Variants in NPIPA5 observed in about 807,000 individuals in gnomAD.
The protein encoded by NPIPA5 is nuclear pore complex-interacting protein family member A5.
In NPIPA5, 6 loss-of-function variants were observed where a neutral mutation model predicts 21.4. That is an observed-to-expected ratio of 0.28 (90% CI 0.15 to 0.55). The LOEUF is 0.55. Among genes scored for constraint, NPIPA5 ranks in the 20% least tolerant of loss-of-function variants. The pLI is 0.93. For synonymous variants in NPIPA5, 33 were observed against 115.3 expected (o/e 0.29, Z 4.57); for missense variants, 99 against 318.2 (o/e 0.31, Z 5.24).
intron 2 of NPIPA5, among the ~76,000 whole-genome samples, chr16:15,371,344 A>G (rs1321777183): frequency 2.1e-5 from 3 of 144,506 alleles, no homozygotes; most frequent in Non-Finnish European, 3.0e-5. Flanking sequence ...TTAATGCAAA[A>G]CATTCTCACT....
chr16:15,368,039 C>A (rs2150851574), intron 4 of NPIPA5, among the ~76,000 whole-genome samples: 1 of 80,904 alleles, frequency 1.2e-5, no homozygotes, highest in South Asian at 5.1e-4. Context: ...AGTAAACAGA[C>A]ATGAGGTGAA....
intron 1 of NPIPA5, among the ~76,000 whole-genome samples, chr16:15,374,312 C>T (rs1356296190): frequency 6.6e-6 from 1 of 151,210 alleles, no homozygotes; most frequent in African/African-American, 2.4e-5. Context: ...CATTCTCCTG[C>T]CTCAGCCTCC....
At chr16:15,368,451 T>G (rs189014626) in intron 4 of NPIPA5, among the ~76,000 whole-genome samples, 1 of 152,142 alleles carries the variant, frequency 6.6e-6, no homozygotes, top group African/African-American at 2.4e-5. Flanking sequence ...TAAATATTTT[T>G]TAAAAAGTAT....
intron 2 of NPIPA5, among the ~76,000 whole-genome samples, chr16:15,373,027 G>A (rs1444945717): frequency 3.6e-5 from 4 of 109,872 alleles, no homozygotes; most frequent in Non-Finnish European, 5.5e-5. Context: ...GGCTTTCTCT[G>A]CATCATGAGA....
chr16:15,380,661 G>A (rs28629821), upstream of NPIPA5, among the ~76,000 whole-genome samples: 11 of 151,406 alleles, frequency 7.3e-5, no homozygotes, highest in East Asian at 1.9e-4. Context: ...TTTAAGTGTC[G>A]TTGGGCACTT....
At chr16:15,375,162 C>T (rs988090118) in intron 1 of NPIPA5, among the ~76,000 whole-genome samples, 1 of 150,732 alleles carries the variant, frequency 6.6e-6, no homozygotes, top group Non-Finnish European at 1.5e-5. Flanking sequence ...AACTCCTGAC[C>T]TCATGATCCA....
chr16:15,375,828 T>G (rs1372676454), intron 1 of NPIPA5, among the ~76,000 whole-genome samples: 3 of 151,804 alleles, frequency 2.0e-5, no homozygotes, highest in African/African-American at 4.8e-5. Flanking sequence ...TTGATATTAA[T>G]TCCATTAGAC....
upstream of NPIPA5, among the ~76,000 whole-genome samples, chr16:15,379,644 G>C (rs1290330356): frequency 6.6e-6 from 1 of 151,264 alleles, no homozygotes; most frequent in Non-Finnish European, 1.5e-5. Context: ...ATATGCTGCA[G>C]CCATGTTCCA....
rs1424083277 is a variant in NPIPA5, at chr16:15,370,305, T to C, written c.193-186A>G. 1.4e-5 allele frequency among the ~76,000 whole-genome samples: 2 copies of C among 145,080 alleles called. 1 individual carries two copies. The highest frequency in any genetic ancestry group is 1.5e-4 in the Admixed American group (2 of 13,478). Reference sequence around the variant, plus strand: ...AGCCGGGCATGGCAGTGGGCGCCTGTAATCCAAGCTACTCGGGAGGCTGAG... The same window carrying C: ...AGCCGGGCATGGCAGTGGGCGCCTGCAATCCAAGCTACTCGGGAGGCTGAG... On this transcript the variant is annotated intron_variant, in intron 2 of 7. Coordinates refer to ENST00000360151, the MANE Select transcript of NPIPA5 (RefSeq NM_001277325.2).
chr16:15,380,003 G>T (rs558770924), upstream of NPIPA5, among the ~76,000 whole-genome samples: 1 of 151,566 alleles, frequency 6.6e-6, no homozygotes, highest in Non-Finnish European at 1.5e-5. Flanking sequence ...GTGTGTGTGT[G>T]TGTGTGTGTA....
chr16:15,372,212 G>A (rs933045167), intron 2 of NPIPA5, among the ~76,000 whole-genome samples: 3 of 147,458 alleles, frequency 2.0e-5, no homozygotes, highest in South Asian at 2.2e-4. Context: ...CCTGGCTCAC[G>A]TGGTGGCTCA....
upstream of NPIPA5, among the ~76,000 whole-genome samples, chr16:15,379,758 A>G (rs533285066): frequency 5.4e-4 from 82 of 152,170 alleles, no homozygotes; most frequent in Non-Finnish European, 9.0e-4. Flanking sequence ...GAGCCTGGCC[A>G]ATATGGTGAA....
chr16:15,379,759 A>G (rs2050391907), upstream of NPIPA5, among the ~76,000 whole-genome samples: 1 of 152,044 alleles, frequency 6.6e-6, no homozygotes, highest in African/African-American at 2.4e-5. Context: ...AGCCTGGCCA[A>G]TATGGTGAAA....
chr16:15,369,450 G>GAAA (rs879091675), intron 4 of NPIPA5, among the ~76,000 whole-genome samples: 1 of 132,920 alleles, frequency 7.5e-6, no homozygotes, highest in Non-Finnish European at 1.6e-5. Flanking sequence ...TCCGTCTCAG[G>GAAA]AAAAAAAAAA....
chr16:15,381,506 T>C (rs896189535), upstream of NPIPA5: 11 of 975,380 alleles, frequency 1.1e-5, no homozygotes, highest in African/African-American at 1.9e-4. Context: ...CCCTGTTTAA[T>C]CACACAAGGC....
chr16:15,376,125 T>C (rs1248484494), intron 1 of NPIPA5, among the ~76,000 whole-genome samples: 4 of 151,974 alleles, frequency 2.6e-5, no homozygotes, highest in Non-Finnish European at 5.9e-5. Context: ...AGAGTACCTA[T>C]GGCATGGCAT....
intron 1 of NPIPA5, among the ~76,000 whole-genome samples, chr16:15,377,074 C>T (rs1157921647): frequency 2.7e-5 from 4 of 148,818 alleles, no homozygotes; most frequent in South Asian, 4.7e-4. Context: ...AAGAGTGCAG[C>T]GGGGCCATCT....
chr16:15,380,017 C>A (rs1044841319), upstream of NPIPA5, among the ~76,000 whole-genome samples: 4 of 150,678 alleles, frequency 2.7e-5, no homozygotes, highest in Non-Finnish European at 4.4e-5. Flanking sequence ...GTGTGTATCT[C>A]TATAAATCTC....
chr16:15,375,469 C>A (rs76706579), intron 1 of NPIPA5, among the ~76,000 whole-genome samples: 4 of 150,950 alleles, frequency 2.6e-5, no homozygotes, highest in East Asian at 2.0e-4. Flanking sequence ...GTGGGCCGGG[C>A]GTGGTGGCTC....
Sources: allele counts gnomAD v4.1 joint callset (sites outside exome capture counted in the v4.1 genomes callset), GRCh38; gene constraint gnomAD v4.1.1; transcripts MANE v1.5; gene names NCBI Gene and HGNC (gene_info 2026-07-23, HGNC 2026-07-21).